The following MSI2 variants were observed in gnomAD, a reference collection of about 807,000 sequenced individuals.
MSI2 encodes the protein musashi RNA binding protein 2, also known as RNA-binding protein Musashi homolog 2.
In MSI2, 17 loss-of-function variants were observed where a neutral mutation model predicts 45.6. That is an observed-to-expected ratio of 0.37 (90% confidence interval 0.26 to 0.56). MSI2 has a LOEUF of 0.56. Ranked by LOEUF, MSI2 falls within the 20% of genes least tolerant of loss-of-function variation. MSI2 has a pLI of 0.77. For synonymous variants in MSI2, 156 were observed against 158.2 expected, an observed-to-expected ratio of 0.99 and a Z score of 0.11; for missense variants, 293 against 444.2, an observed-to-expected ratio of 0.66 and a Z score of 3.06.
intron 10 of MSI2, chr17:57,629,676 C>G (rs926802177): frequency 6.6e-6 from 1 of 152,432 alleles, no homozygotes; most frequent in African/African-American, 2.4e-5. Flanking sequence ...TGGAGACACC[C>G]ATGGGGTCAG....
At chr17:57,674,082 T>TC (rs530381248) in intron 11 of MSI2, among the ~76,000 whole-genome samples, 117 of 150,918 alleles carry the variant, frequency 7.8e-4, no homozygotes, top group African/African-American at 2.4e-3. Flanking sequence ...GGTTTACCAT[T>TC]CCCCCCCATC....
At position 57,568,047 on chromosome 17, in the gene MSI2, C is replaced by T. The variant is rs80336300; in HGVS notation, c.455-28821C>T. 1.1e-3 allele frequency among the ~76,000 whole-genome samples: 170 copies of T among 152,314 alleles called. 2 individuals are homozygous for T. The East Asian group carries it at 0.016, about 14-fold the overall frequency. ...GAGATTGGGACCTGAATTGATCTAA[C>T]TCCAAGACCTATGTTCTTTCAGCAT... On this transcript the variant is annotated intron_variant, in intron 7 of 13. Transcript: ENST00000284073.
rs1299362319 is a variant in MSI2, at chr17:57,258,308, T to C, written c.224T>C (p.Val75Ala). Residue 75 changes from valine to alanine, a missense_variant, in exon 4 of 14, where the codon GTA becomes GCA. Coordinates refer to ENST00000284073, the MANE Select transcript of MSI2 (RefSeq NM_138962.4). Reference protein sequence around the residue: ...GFVTFADPASVDKVLGQPHHE... With the variant: ...GFVTFADPASADKVLGQPHHE... ...GTCACGTTCGCAGACCCAGCAAGTG[T>C]AGATAAAGTATTAGGTCAGCCCCAC... The C allele has an allele frequency of 6.2e-7, 1 of 1,614,192 alleles. No individual in the cohort carries two copies. The highest frequency in any genetic ancestry group is 8.5e-7 in the Non-Finnish European group (1 of 1,180,024).
chr17:57,283,209 A>G (rs1048805323), intron 5 of MSI2, among the ~76,000 whole-genome samples: 2 of 152,082 alleles, frequency 1.3e-5, no homozygotes, highest in Non-Finnish European at 2.9e-5. Context: ...CGGGACTTCT[A>G]GAAAATGCCA....
At position 57,256,797 on chromosome 17, in the gene MSI2, G is replaced by A; in HGVS notation, c.55G>A (p.Asp19Asn). The A allele has an allele frequency of 6.8e-7, 1 of 1,474,040 alleles. No individual in the cohort carries two copies. Among genetic ancestry groups the A allele is most frequent in the Non-Finnish European group, 9.0e-7 (1 of 1,114,598 alleles). 91.3% of individuals were successfully genotyped at this position (1,474,040 alleles called of 1,614,324 possible). A position where few individuals can be genotyped will look rare whatever the true frequency, so the allele number is the denominator to read the frequency against. ...GGGCAGCGCCAACGACTCCCAGCAC[G>A]ACCCCGGGTAAGTTTCCAGCCGCTG... Reference protein sequence around the residue: ...TSGSANDSQHDPGKMFIGGLS... With the variant: ...TSGSANDSQHNPGKMFIGGLS... Residue 19 changes from aspartate (D) to asparagine (N), a missense_variant, in exon 1 of 14, where the codon GAC becomes AAC. Asp to Asn is a conservative substitution (Grantham distance 23, BLOSUM62 1). Transcript: ENST00000284073.
At chr17:57,690,472 A>T in the MSI2 span, among the ~76,000 whole-genome samples, 1 of 151,630 alleles carries the variant, frequency 6.6e-6, no homozygotes, top group Non-Finnish European at 1.5e-5. Flanking sequence ...TACAAAAATT[A>T]GCTGGTCATT....
At chr17:57,553,332 C>A in intron 7 of MSI2, among the ~76,000 whole-genome samples, 1 of 152,218 alleles carries the variant, frequency 6.6e-6, no homozygotes, top group East Asian at 1.9e-4. Flanking sequence ...ATCTTTCACT[C>A]GGCAATTTTT....
chr17:57,276,536 A>G (rs542778703), intron 5 of MSI2, among the ~76,000 whole-genome samples: 1 of 152,328 alleles, frequency 6.6e-6, no homozygotes, highest in Admixed American at 6.5e-5. Flanking sequence ...CAAAGGAAGA[A>G]ATATGCAGAG....
At chr17:57,425,680 T>A (rs2084477914) in intron 6 of MSI2, among the ~76,000 whole-genome samples, 1 of 152,258 alleles carries the variant, frequency 6.6e-6, no homozygotes, top group Non-Finnish European at 1.5e-5. Context: ...TGATCATTGT[T>A]TGGTATTATA....
chr17:57,430,032 A>C (rs1325952954), intron 6 of MSI2, among the ~76,000 whole-genome samples: 1 of 152,236 alleles, frequency 6.6e-6, no homozygotes, highest in African/African-American at 2.4e-5. Context: ...AGTCCTCAGC[A>C]GAGGACCTCA....
At chr17:57,558,872 C>T (rs1262377528) in intron 7 of MSI2, among the ~76,000 whole-genome samples, 1 of 152,076 alleles carries the variant, frequency 6.6e-6, no homozygotes, top group African/African-American at 2.4e-5. Context: ...ACCAGCCTGG[C>T]CAACATGGTG....
intron 6 of MSI2, among the ~76,000 whole-genome samples, chr17:57,466,686 T>C (rs1199654852): frequency 1.3e-5 from 2 of 152,328 alleles, no homozygotes; most frequent in South Asian, 2.1e-4. Context: ...TCATTTTTTT[T>C]CCCCCAAGAT....
intron 11 of MSI2, among the ~76,000 whole-genome samples, chr17:57,657,966 A>G (rs1003470473): frequency 5.9e-5 from 9 of 152,224 alleles, no homozygotes; most frequent in Admixed American, 3.9e-4. Context: ...GTTTCCCACA[A>G]TGCACTGTTT....
chr17:57,661,460 G>GA (rs1345759737), intron 11 of MSI2, among the ~76,000 whole-genome samples: 2 of 152,296 alleles, frequency 1.3e-5, no homozygotes, highest in African/African-American at 4.8e-5. Flanking sequence ...AGTCACAGGA[G>GA]AGGGAGGTTC....
chr17:57,343,123 T>C (rs954344118), intron 5 of MSI2, among the ~76,000 whole-genome samples: 2 of 152,226 alleles, frequency 1.3e-5, no homozygotes, highest in Non-Finnish European at 2.9e-5. Flanking sequence ...TTTTGCTGTC[T>C]GTACGTTTGT....
At chr17:57,524,992 T>C (rs956031833) in intron 6 of MSI2, among the ~76,000 whole-genome samples, 3 of 152,170 alleles carry the variant, frequency 2.0e-5, no homozygotes. Context: ...AATCAGTCAC[T>C]CTGGCTCTGA....
intron 7 of MSI2, among the ~76,000 whole-genome samples, chr17:57,576,772 A>AG (rs1567911304): frequency 6.8e-6 from 1 of 146,430 alleles, no homozygotes; most frequent in East Asian, 2.0e-4. Context: ...AAAAAAAAAA[A>AG]TGACTATAAT....
intron 6 of MSI2, among the ~76,000 whole-genome samples, chr17:57,475,886 T>C (rs1382073033): frequency 5.9e-5 from 9 of 152,222 alleles, no homozygotes; most frequent in Admixed American, 5.9e-4. Flanking sequence ...CAAACTCCTG[T>C]CTGCCAATCT....
At chr17:57,695,531 C>A in the MSI2 span, among the ~76,000 whole-genome samples, 6 of 152,178 alleles carry the variant, frequency 3.9e-5, no homozygotes, top group African/African-American at 1.4e-4. Context: ...CAGAGTCCAG[C>A]TCCTCAGCCT....
Sources: gnomAD v4.1 joint callset for allele counts (sites outside exome capture counted in the v4.1 genomes callset) on GRCh38, gnomAD v4.1.1 for gene constraint, MANE v1.5 for transcripts, NCBI Gene and HGNC (gene_info 2026-07-23, HGNC 2026-07-21) for gene names.